The following CNTNAP2 variants were observed in gnomAD, a reference collection of about 807,000 sequenced individuals.
The protein encoded by CNTNAP2 is contactin associated protein 2.
A neutral mutation model predicts 155.2 loss-of-function variants in CNTNAP2; 98 were observed. The ratio of observed to expected loss-of-function variants is 0.63; its 90% confidence interval spans 0.54 to 0.75. The LOEUF (loss-of-function observed/expected upper bound fraction) is 0.75, where lower values mean the gene tolerates loss of function less well. Ranked by LOEUF, CNTNAP2 falls within the 30% of genes least tolerant of loss-of-function variation. CNTNAP2 has a pLI of 0.00. For synonymous variants in CNTNAP2, 651 were observed against 631.2 expected (o/e 1.03, Z -0.47); for missense variants, 1,727 against 1,688.1 (o/e 1.02, Z -0.40).
intron 13 of CNTNAP2, among the ~76,000 whole-genome samples, chr7:147,719,844 T>C (rs932322067): frequency 6.6e-6 from 1 of 152,140 alleles, no homozygotes; most frequent in African/African-American, 2.4e-5. Context: ...TCCACCTCTT[T>C]ATATTTCCTT....
At chr7:146,640,476 A>G (rs566809224) in intron 1 of CNTNAP2, among the ~76,000 whole-genome samples, 1 of 152,288 alleles carries the variant, frequency 6.6e-6, no homozygotes, top group African/African-American at 2.4e-5. Context: ...AGATATGTCA[A>G]TTCTCCTTTT....
chr7:146,343,029 C>T (rs1008976470), intron 1 of CNTNAP2, among the ~76,000 whole-genome samples: 1 of 151,792 alleles, frequency 6.6e-6, no homozygotes, highest in African/African-American at 2.4e-5. Flanking sequence ...CACAAGATGC[C>T]TTTCCATTTT....
In CNTNAP2 at chr7:147,173,685, A is replaced by G. The variant is rs959282907; in HGVS notation, c.1348+41176A>G. 2.0e-5 allele frequency among the ~76,000 whole-genome samples: 3 copies of G among 152,222 alleles called. No individual in the cohort carries two copies. The South Asian group carries it at 6.2e-4, about 31-fold the overall frequency. On this transcript the variant is annotated intron_variant, in intron 8 of 23. Coordinates refer to ENST00000361727, the MANE Select transcript of CNTNAP2 (RefSeq NM_014141.6). Reference sequence around the variant, plus strand: ...CTGGTGGATGCTGATATTCTGAAGTAGCCAGAGTGATTTCTCCACCCTAAA... The same window carrying G: ...CTGGTGGATGCTGATATTCTGAAGTGGCCAGAGTGATTTCTCCACCCTAAA...
At chr7:148,381,985 A>T (rs1799070966) in intron 21 of CNTNAP2, among the ~76,000 whole-genome samples, 1 of 152,346 alleles carries the variant, frequency 6.6e-6, no homozygotes, top group Admixed American at 6.5e-5. Flanking sequence ...AGGGCATCAG[A>T]ATCCTCCTTT....
rs146815685 is a variant in CNTNAP2, at chr7:146,882,190, T to A, written c.402+42286T>A. ...ATTTTAGTGGTGTATATAAACCATA[T>A]TTCCTTCATTCAACCCACCTTTGAT... On this transcript the variant is annotated intron_variant, in intron 3 of 23. Coordinates refer to ENST00000361727, the MANE Select transcript of CNTNAP2 (RefSeq NM_014141.6). Among the ~76,000 whole-genome samples the A allele has an allele frequency of 2.4e-3, 372 of 152,262 alleles. 1 individual carries two copies. Among genetic ancestry groups the A allele is most frequent in the Admixed American group, 4.3e-3 (66 of 15,250 alleles).
intron 8 of CNTNAP2, among the ~76,000 whole-genome samples, chr7:147,193,139 T>C (rs1802716083): frequency 6.6e-6 from 1 of 152,230 alleles, no homozygotes; most frequent in African/African-American, 2.4e-5. Context: ...TTAGTAATTA[T>C]TTTGCTTGCT....
chr7:146,876,265 A>AT (rs1452965818), intron 3 of CNTNAP2, among the ~76,000 whole-genome samples: 3 of 152,076 alleles, frequency 2.0e-5, no homozygotes, highest in African/African-American at 7.2e-5. Flanking sequence ...ACTGAAGGTC[A>AT]TATTCTTGCT....
At chr7:146,659,875 G>A (rs1280074922) in intron 1 of CNTNAP2, among the ~76,000 whole-genome samples, 1 of 152,184 alleles carries the variant, frequency 6.6e-6, no homozygotes, top group East Asian at 1.9e-4. Context: ...AGGGAAAAGT[G>A]CCTCCTTCCA....
chr7:146,748,377 C>T (rs921804467), intron 1 of CNTNAP2, among the ~76,000 whole-genome samples: 7 of 151,980 alleles, frequency 4.6e-5, no homozygotes, highest in African/African-American at 1.2e-4. Flanking sequence ...GATCTCCTGA[C>T]CTCATGATCC....
At chr7:147,788,335 C>T (rs1405901749) in intron 13 of CNTNAP2, among the ~76,000 whole-genome samples, 1 of 152,150 alleles carries the variant, frequency 6.6e-6, no homozygotes, top group Non-Finnish European at 1.5e-5. Flanking sequence ...TATAACTTTA[C>T]CTTCTGAGAA....
chr7:146,766,393 T>A (rs1802194945), intron 1 of CNTNAP2, among the ~76,000 whole-genome samples: 1 of 152,182 alleles, frequency 6.6e-6, no homozygotes, highest in South Asian at 2.1e-4. Context: ...GGGTAACATT[T>A]CATGTAAATT....
intron 1 of CNTNAP2, among the ~76,000 whole-genome samples, chr7:146,329,137 G>A (rs557131423): frequency 3.9e-4 from 59 of 152,208 alleles, no homozygotes; most frequent in Middle Eastern, 3.4e-3. Context: ...ATTCCCACCA[G>A]CAGGACACCA....
At chr7:146,963,007 T>C (rs1379977583) in intron 3 of CNTNAP2, 1 of 152,234 alleles carries the variant, frequency 6.6e-6, no homozygotes, top group Non-Finnish European at 1.5e-5. Flanking sequence ...GAAAATTGCA[T>C]CTGATGATGA....
intron 18 of CNTNAP2, among the ~76,000 whole-genome samples, chr7:148,174,223 C>A (rs1253006741): frequency 6.6e-6 from 1 of 152,240 alleles, no homozygotes; most frequent in Non-Finnish European, 1.5e-5. Flanking sequence ...GAGCATCCTT[C>A]TGAGTCAAGT....
At position 146,880,249 on chromosome 7, in the gene CNTNAP2, G is replaced by C. The variant is rs561032912; in HGVS notation, c.402+40345G>C. Among the ~76,000 whole-genome samples, 10 of 152,124 alleles carry C rather than the reference G, an allele frequency of 6.6e-5. No homozygotes were observed. In the South Asian group the frequency reaches 2.1e-3, roughly 32 times the overall value. ...GGAAACAGGAGCCTATGGTGATTAG[G>C]TCCTGAAGTTGGAGCCTTCGTGATG... On this transcript the variant is annotated intron_variant, in intron 3 of 23. Transcript: ENST00000361727.
At chr7:148,117,472 G>A (rs1804499070) in intron 15 of CNTNAP2, among the ~76,000 whole-genome samples, 1 of 152,206 alleles carries the variant, frequency 6.6e-6, no homozygotes, top group Admixed American at 6.5e-5. Flanking sequence ...TATTCCTGAA[G>A]CACCTGCACC....
At chr7:147,182,450 A>C (rs558197394) in intron 8 of CNTNAP2, among the ~76,000 whole-genome samples, 20 of 152,232 alleles carry the variant, frequency 1.3e-4, no homozygotes, top group Non-Finnish European at 2.5e-4. Context: ...GAAGAGAAAA[A>C]TAATATTTGT....
rs552774868 is a variant in CNTNAP2 at position 148,347,802 on chromosome 7, G to A, written c.3476-35847G>A. Among the ~76,000 whole-genome samples, 14 of 152,296 alleles carry A rather than the reference G, an allele frequency of 9.2e-5. 1 individual carries two copies. Among genetic ancestry groups the A allele is most frequent in the South Asian group, 4.1e-4 (2 of 4,822 alleles). On this transcript the variant is annotated intron_variant, in intron 21 of 23. Transcript: ENST00000361727. Reference sequence around the variant, plus strand: ...ACATGTCTGCTTGTTGGTGGTGGGCGATGGATACAAAGATACCCAGCCAGA... The same window carrying A: ...ACATGTCTGCTTGTTGGTGGTGGGCAATGGATACAAAGATACCCAGCCAGA...
In CNTNAP2 at chr7:148,419,493, A is replaced by G; in HGVS notation, c.*3877A>G. On this transcript the variant is annotated 3_prime_UTR_variant, in exon 24 of 24. Coordinates refer to ENST00000361727, the MANE Select transcript of CNTNAP2 (RefSeq NM_014141.6). ...CCCCCAGGCTGGAGTGCACTGGCGC[A>G]ATCTCGGGCTCACTGCAACCTCCTC... 1 of 151,940 alleles carries G rather than the reference A, an allele frequency of 6.6e-6. No individual in the cohort carries two copies. Among genetic ancestry groups the G allele is most frequent in the Non-Finnish European group, 1.5e-5 (1 of 68,014 alleles). The allele number at this position is 151,940 out of a possible 1,614,324, so 9.4% of individuals were successfully genotyped here. A position where few individuals can be genotyped will look rare whatever the true frequency, so the allele number is the denominator to read the frequency against.
Sources: gnomAD v4.1 joint callset for allele counts (sites outside exome capture counted in the v4.1 genomes callset) on GRCh38, gnomAD v4.1.1 for gene constraint, MANE v1.5 for transcripts, NCBI Gene and HGNC (gene_info 2026-07-23, HGNC 2026-07-21) for gene names.